Variants in PHLDB2 observed in about 807,000 individuals in gnomAD.
PHLDB2 encodes the protein pleckstrin homology-like domain family B member 2.
A neutral mutation model predicts 123.6 loss-of-function variants in PHLDB2; 71 were observed. The observed-to-expected ratio is 0.57, with a 90% CI of 0.47 to 0.70. PHLDB2 has a LOEUF of 0.70. Ranked by LOEUF, PHLDB2 falls within the 30% of genes least tolerant of loss-of-function variation. The pLI, the probability that PHLDB2 is intolerant of heterozygous loss-of-function variation, is 0.00. For missense variants in PHLDB2, 1,446 were observed against 1,519.5 expected (o/e 0.95, Z 0.80); for synonymous variants, 547 against 541.6 (o/e 1.01, Z -0.14).
intron 12 of PHLDB2, among the ~76,000 whole-genome samples, chr3:111,960,961 T>A (rs2071373454): frequency 6.6e-6 from 1 of 152,204 alleles, no homozygotes; most frequent in South Asian, 2.1e-4. Flanking sequence ...AAATCAGCGA[T>A]CAGAGAGCAA....
intron 1 of PHLDB2, among the ~76,000 whole-genome samples, chr3:111,740,207 C>T (rs2107922238): frequency 6.6e-6 from 1 of 152,204 alleles, no homozygotes; most frequent in African/African-American, 2.4e-5. Flanking sequence ...AGTGCTAAGA[C>T]CCTGAAGAAC....
chr3:111,953,861 A>C, intron 11 of PHLDB2, 69 bp from the exon 12 acceptor site: 1 of 1,190,708 alleles, frequency 8.4e-7, no homozygotes, highest in Non-Finnish European at 1.2e-6. Flanking sequence ...GGAAACAGGG[A>C]TGTGGCCATT....
chr3:111,887,771 C>T (rs1307473965), intron 2 of PHLDB2, among the ~76,000 whole-genome samples: 1 of 152,072 alleles, frequency 6.6e-6, no homozygotes. Context: ...TTCATGAAGT[C>T]ATCTATTTCT....
At chr3:111,859,222 C>T (rs73852716), upstream of PHLDB2, 76,463 of 984,888 alleles carry the variant, frequency 0.078, 3,136 homozygotes, top group Non-Finnish European at 0.083. Context: ...AACCCTCCCG[C>T]CCTTCTTTCA....
intron 13 of PHLDB2, among the ~76,000 whole-genome samples, chr3:111,962,524 T>C (rs1165323051): frequency 3.3e-5 from 5 of 152,242 alleles, no homozygotes; most frequent in African/African-American, 1.2e-4. Context: ...TCATATAATC[T>C]GTTTCCACCT....
At chr3:111,801,416 C>T (rs2061373359) in intron 1 of PHLDB2, among the ~76,000 whole-genome samples, 1 of 152,142 alleles carries the variant, frequency 6.6e-6, no homozygotes, top group Non-Finnish European at 1.5e-5. Flanking sequence ...TTTAAAAGCT[C>T]ATAAACAATC....
At chr3:111,898,182 T>TG (rs1553747095) in intron 2 of PHLDB2, among the ~76,000 whole-genome samples, 2,441 of 142,616 alleles carry the variant, frequency 0.017, 40 homozygotes, top group African/African-American at 0.032. Context: ...GTGTGTGTGT[T>TG]TGTGTGTGTG....
At chr3:111,789,473 A>T (rs1446207036) in intron 1 of PHLDB2, among the ~76,000 whole-genome samples, 1 of 152,238 alleles carries the variant, frequency 6.6e-6, no homozygotes, top group Non-Finnish European at 1.5e-5. Context: ...CGTTTAAAAA[A>T]AGAAGAAAGA....
At position 111,747,337 on chromosome 3, in the gene PHLDB2, G is replaced by GA. The variant is rs1174981035; in HGVS notation, c.-49+14637dup. Among the ~76,000 whole-genome samples, 3 of 151,954 alleles carry GA rather than the reference G, an allele frequency of 2.0e-5. No homozygotes were observed. In the East Asian group the frequency reaches 5.8e-4, roughly 29 times the overall value. ...CAGCACAAGAATGACTGAAATTTGG[G>GA]AAACACCTTGCTAAAGTAAATGCCT... On this transcript the variant is annotated intron_variant, in intron 1 of 17. Transcript: ENST00000393923.
chr3:111,824,947 T>C (rs1221959262), intron 1 of PHLDB2, among the ~76,000 whole-genome samples: 1 of 152,204 alleles, frequency 6.6e-6, no homozygotes, highest in Non-Finnish European at 1.5e-5. Flanking sequence ...ATATATCCAC[T>C]TGTAGACCCT....
chr3:111,792,815 A>G (rs2060985671), intron 1 of PHLDB2, among the ~76,000 whole-genome samples: 1 of 152,256 alleles, frequency 6.6e-6, no homozygotes, highest in African/African-American at 2.4e-5. Flanking sequence ...AAGCAAACAA[A>G]TGCATGCCAT....
chr3:111,794,316 C>G (rs925580292), intron 1 of PHLDB2, among the ~76,000 whole-genome samples: 1 of 152,158 alleles, frequency 6.6e-6, no homozygotes, highest in African/African-American at 2.4e-5. Flanking sequence ...ACTGCACCCT[C>G]TCTCCCCCAA....
At chr3:111,875,028 T>C (rs2065534318) in intron 1 of PHLDB2, among the ~76,000 whole-genome samples, 1 of 152,190 alleles carries the variant, frequency 6.6e-6, no homozygotes, top group South Asian at 2.1e-4. Flanking sequence ...GATTTTGTAG[T>C]TTTTCAGATG....
intron 1 of PHLDB2, among the ~76,000 whole-genome samples, chr3:111,797,852 T>A (rs1489131680): frequency 6.6e-6 from 1 of 152,102 alleles, no homozygotes; most frequent in Non-Finnish European, 1.5e-5. Flanking sequence ...AGAAATAGGG[T>A]AGGGTGCAGT....
chr3:111,743,769 T>G (rs1156409331), intron 1 of PHLDB2, among the ~76,000 whole-genome samples: 7 of 152,218 alleles, frequency 4.6e-5, no homozygotes, highest in Non-Finnish European at 7.3e-5. Context: ...GCTTTTAGTG[T>G]ATAAGTGAAA....
chr3:111,832,588 T>C (rs1343538270), intron 1 of PHLDB2, among the ~76,000 whole-genome samples: 4 of 145,860 alleles, frequency 2.7e-5, no homozygotes, highest in African/African-American at 5.0e-5. Context: ...ATTATATATG[T>C]AATATTATAT....
chr3:111,937,508 C>G (rs148043590), intron 6 of PHLDB2, among the ~76,000 whole-genome samples: 13 of 152,152 alleles, frequency 8.5e-5, no homozygotes, highest in African/African-American at 2.2e-4. Flanking sequence ...TGGTGGCTTA[C>G]ACCTATAATC....
intron 2 of PHLDB2, among the ~76,000 whole-genome samples, chr3:111,853,333 G>A (rs2064342597): frequency 6.6e-6 from 1 of 152,232 alleles, no homozygotes. Context: ...GAAAATAGAT[G>A]AAGATGACTT....
At chr3:111,797,552 A>G (rs1308138790) in intron 1 of PHLDB2, among the ~76,000 whole-genome samples, 1 of 152,256 alleles carries the variant, frequency 6.6e-6, no homozygotes, top group Non-Finnish European at 1.5e-5. Flanking sequence ...GTCATGAGAC[A>G]AAGGCAAAAA....
Sources: gnomAD v4.1 joint callset for allele counts (sites outside exome capture counted in the v4.1 genomes callset) on GRCh38, gnomAD v4.1.1 for gene constraint, MANE v1.5 for transcripts, NCBI Gene and HGNC (gene_info 2026-07-23, HGNC 2026-07-21) for gene names.